Variants in ENTHD1 observed in about 807,000 individuals in gnomAD.
The protein encoded by ENTHD1 is ENTH domain containing 1, also known as ENTH domain-containing protein 1.
In ENTHD1, 23 loss-of-function variants were observed where a neutral mutation model predicts 39.1. The observed-to-expected ratio is 0.59, with a 90% CI of 0.42 to 0.83. The LOEUF (loss-of-function observed/expected upper bound fraction) is 0.83, where lower values mean the gene tolerates loss of function less well. Among genes scored for constraint, ENTHD1 ranks in the 40% least tolerant of loss-of-function variants. The pLI is 0.00. For synonymous variants in ENTHD1, 230 were observed against 258.2 expected (o/e 0.89, Z 1.05); for missense variants, 624 against 705.4 (o/e 0.88, Z 1.31).
rs994121432 is a variant in ENTHD1 at position 39,867,810 on chromosome 22, C to T, written c.350-5803G>A. On this transcript the variant is annotated intron_variant, in intron 2 of 6. Coordinates refer to ENST00000325157, the MANE Select transcript of ENTHD1 (RefSeq NM_152512.4). The surrounding 1 kb of genome is among the most constrained non-coding windows in gnomAD (Gnocchi z 4.5). ...CTCCGTCTCAAAAAAAAAATCCCTC[C>T]AGTCAAGTTGACACAGTAAGTTCAT... Among the ~76,000 whole-genome samples the T allele has an allele frequency of 1.3e-5, 2 of 152,118 alleles. No individual in the cohort carries two copies. The highest frequency in any genetic ancestry group is 4.8e-5 in the African/African-American group (2 of 41,422).
chr22:39,790,865 A>G (rs2065498460), intron 5 of ENTHD1, among the ~76,000 whole-genome samples: 2 of 152,174 alleles, frequency 1.3e-5, no homozygotes. Context: ...CAACATGGTA[A>G]TAGCTCCTTC....
rs566190245 is a variant in ENTHD1, at chr22:39,832,984, G to A, written c.711+2856C>T. Among the ~76,000 whole-genome samples, 28 of 152,290 alleles carry A rather than the reference G, an allele frequency of 1.8e-4. No homozygotes were observed. The South Asian group carries it at 5.4e-3, about 29-fold the overall frequency. Reference sequence around the variant, plus strand: ...GTACCTTCCAGTCTGTGCAGAAGCCGAGTGGGCAAGGAGCTGAGAAAATCT... The same window carrying A: ...GTACCTTCCAGTCTGTGCAGAAGCCAAGTGGGCAAGGAGCTGAGAAAATCT... On this transcript the variant is annotated intron_variant, in intron 4 of 6. Coordinates refer to ENST00000325157, the MANE Select transcript of ENTHD1 (RefSeq NM_152512.4).
chr22:39,818,259 C>T (rs1049943649), intron 5 of ENTHD1, among the ~76,000 whole-genome samples: 1 of 152,214 alleles, frequency 6.6e-6, no homozygotes, highest in Non-Finnish European at 1.5e-5. Flanking sequence ...AACTGCTAGA[C>T]ACGTGAGTCA....
At chr22:39,832,927 A>T (rs1413504266) in intron 4 of ENTHD1, among the ~76,000 whole-genome samples, 1 of 152,164 alleles carries the variant, frequency 6.6e-6, no homozygotes, top group South Asian at 2.1e-4. Flanking sequence ...TGGCCTCCAC[A>T]GCTACTGGGA....
chr22:39,806,878 G>A (rs918173249), intron 5 of ENTHD1, among the ~76,000 whole-genome samples: 1 of 152,172 alleles, frequency 6.6e-6, no homozygotes, highest in African/African-American at 2.4e-5. Context: ...GAGGACGGAG[G>A]CAAGGGGAGG....
intron 2 of ENTHD1, among the ~76,000 whole-genome samples, chr22:39,885,938 A>G (rs904886497): frequency 1.3e-5 from 2 of 152,216 alleles, no homozygotes; most frequent in African/African-American, 4.8e-5. Context: ...CACACTTACA[A>G]AGGCAAATTT....
chr22:39,785,999 G>C (rs1389913032), intron 5 of ENTHD1, among the ~76,000 whole-genome samples: 1 of 152,130 alleles, frequency 6.6e-6, no homozygotes, highest in Non-Finnish European at 1.5e-5. Context: ...ATCAAGAAAA[G>C]AGAGGCTTTT....
rs143562876 is a variant in ENTHD1, at chr22:39,861,920, C to A, written c.437G>T (p.Arg146Leu). 12 of 1,599,676 alleles carry A rather than the reference C, an allele frequency of 7.5e-6. No homozygotes were observed. The highest frequency in any genetic ancestry group is 3.3e-4 in the Middle Eastern group (2 of 6,014). Residue 146 changes from arginine (R) to leucine (L), a missense_variant, in exon 3 of 7, where the codon CGG (arginine) becomes CTG (leucine). Transcript: ENST00000325157. ...AGAGTGGGAGGTACGCTGTCTAGTC[C>A]GACATGCCACTTCCCTCTCTTTACA... is the stretch of plus-strand genomic sequence containing the variant. The part of the protein sequence containing the change: ...LLCKEREVAC[R>L]TRQRTSHSIL...
intron 5 of ENTHD1, among the ~76,000 whole-genome samples, chr22:39,803,650 T>G (rs1334695282): frequency 9.2e-5 from 14 of 152,164 alleles, no homozygotes; most frequent in Admixed American, 9.2e-4. Context: ...ACCTAGATGC[T>G]GATAACCATG....
At chr22:39,771,236 C>G (rs1174612139) in intron 5 of ENTHD1, among the ~76,000 whole-genome samples, 2 of 151,928 alleles carry the variant, frequency 1.3e-5, no homozygotes, top group African/African-American at 4.8e-5. Context: ...GTAAAGAAAC[C>G]AATAACCTGA....
At chr22:39,855,583 A>G (rs2146713197) in intron 3 of ENTHD1, among the ~76,000 whole-genome samples, 1 of 150,040 alleles carries the variant, frequency 6.7e-6, no homozygotes, top group Admixed American at 6.6e-5. Context: ...ATAATATGTG[A>G]CTTGTTAAAA....
intron 6 of ENTHD1, 21 bp downstream of exon 6, chr22:39,765,202 G>C (rs775476053): frequency 1.9e-6 from 3 of 1,560,842 alleles, no homozygotes; most frequent in Non-Finnish European, 2.6e-6. Flanking sequence ...GTGTGTGTGT[G>C]TGTGTGTTTG....
intron 5 of ENTHD1, among the ~76,000 whole-genome samples, chr22:39,813,053 G>A (rs1363422608): frequency 6.6e-6 from 1 of 152,324 alleles, no homozygotes; most frequent in East Asian, 1.9e-4. Context: ...AAAGTGCTGG[G>A]ATTATAGGTG....
intron 4 of ENTHD1, among the ~76,000 whole-genome samples, chr22:39,827,925 T>C (rs1222849437): frequency 6.6e-6 from 1 of 152,224 alleles, no homozygotes; most frequent in African/African-American, 2.4e-5. Context: ...AGATTATATA[T>C]ATATATGTAT....
intron 2 of ENTHD1, among the ~76,000 whole-genome samples, chr22:39,870,308 C>G (rs1298952237): frequency 6.6e-6 from 1 of 151,944 alleles, no homozygotes; most frequent in Non-Finnish European, 1.5e-5. Flanking sequence ...CGTGTCCAGC[C>G]AACAGGAGAA....
chr22:39,753,742 C>T (rs763361700), intron 6 of ENTHD1, among the ~76,000 whole-genome samples: 2 of 152,196 alleles, frequency 1.3e-5, no homozygotes, highest in African/African-American at 2.4e-5. Flanking sequence ...AATTCCTCAC[C>T]GCAATGACCT....
chr22:39,802,977 G>C (rs182292835), intron 5 of ENTHD1, among the ~76,000 whole-genome samples: 1 of 152,252 alleles, frequency 6.6e-6, no homozygotes, highest in Non-Finnish European at 1.5e-5. Flanking sequence ...AGTCAATATA[G>C]CTTCTTCCTT....
intron 2 of ENTHD1, among the ~76,000 whole-genome samples, chr22:39,886,740 G>T (rs1241583941): frequency 6.6e-6 from 1 of 151,950 alleles, no homozygotes; most frequent in Non-Finnish European, 1.5e-5. Context: ...AATCATCTCA[G>T]GATCCTATCC....
At chr22:39,835,991 T>G (rs778492802) in intron 3 of ENTHD1, 33 bp from the exon 4 acceptor site, 3 of 1,511,086 alleles carry the variant, frequency 2.0e-6, no homozygotes, top group African/African-American at 2.8e-5. Flanking sequence ...GATTTTACTT[T>G]GGCAAAACAC....
Sources: allele counts gnomAD v4.1 joint callset (sites outside exome capture counted in the v4.1 genomes callset), GRCh38; gene constraint gnomAD v4.1.1; non-coding constraint Gnocchi (gnomAD v3.1); transcripts MANE v1.5; gene names NCBI Gene and HGNC (gene_info 2026-07-23, HGNC 2026-07-21).